The following CORT variants were observed in gnomAD, a reference collection of about 807,000 sequenced individuals.
The protein encoded by CORT is cortistatin.
CORT carries 2 observed loss-of-function variants against 4.4 expected under a neutral mutation model. The observed-to-expected ratio is 0.46, with a 90% CI of 0.19 to 1.44. The LOEUF is 1.44. CORT is among the 40% of genes most tolerant of loss of function. The pLI, the probability that CORT is intolerant of heterozygous loss-of-function variation, is 0.26. For synonymous variants in CORT, 72 were observed against 62.0 expected, an observed-to-expected ratio of 1.16 and a Z score of -0.75; for missense variants, 158 against 140.2, an observed-to-expected ratio of 1.13 and a Z score of -0.64.
chr1:10,451,295 G>A, intron 1 of CORT, 82 bp from the exon 2 acceptor site: 1 of 1,416,048 alleles, frequency 7.1e-7, no homozygotes, highest in Non-Finnish European at 9.3e-7. Context: ...AAGTAAGGAG[G>A]AGATTGCATA....
At position 10,451,421 on chromosome 1, in the gene CORT, T is replaced by G; in HGVS notation, c.144T>G (p.Thr48=). ...GAATAAGGAAAAGCAGCCTCCTGACTTTCCTCGCTTGGTGGTTTGAGTGGA... is the reference window on the plus strand; with the variant it reads ...GAATAAGGAAAAGCAGCCTCCTGACGTTCCTCGCTTGGTGGTTTGAGTGGA... ...AAGIRKSSLL[T]FLAWWFEWTS... Residue 48 remains threonine (T), a synonymous_variant, in exon 2 of 2, where the codon ACT becomes ACG. Transcript: ENST00000377049. 6.2e-7 allele frequency: 1 copy of G among 1,613,618 alleles called. No homozygotes were observed. Among genetic ancestry groups the G allele is most frequent in the Non-Finnish European group, 8.5e-7 (1 of 1,179,686 alleles).
intron 1 of CORT, 147 bp from the exon 2 acceptor site, chr1:10,451,230 T>G: frequency 9.0e-7 from 1 of 1,109,366 alleles, no homozygotes; most frequent in Non-Finnish European, 1.2e-6. Flanking sequence ...TCTTTTCATT[T>G]TAATATTTTC....
At chr1:10,451,078 C>G (rs1640769934) in intron 1 of CORT, among the ~76,000 whole-genome samples, 2 of 152,184 alleles carry the variant, frequency 1.3e-5, no homozygotes, top group Non-Finnish European at 2.9e-5. Context: ...AGGACCTTAG[C>G]AGAGTATGGA....
chr1:10,450,122 A>G lies in CORT; in HGVS notation c.-102A>G, dbSNP rs1405813921. Reference sequence around the variant, plus strand: ...GAGATTGGGCTTAAAATACCCACCAAGCTCCAAAGAAGAGACCCAAGTCCC... The same window carrying G: ...GAGATTGGGCTTAAAATACCCACCAGGCTCCAAAGAAGAGACCCAAGTCCC... On this transcript the variant is annotated 5_prime_UTR_variant, in exon 1 of 2. Transcript: ENST00000377049. 1.2e-6 allele frequency: 2 copies of G among 1,607,846 alleles called. No individual in the cohort carries two copies. The highest frequency in any genetic ancestry group is 3.4e-5 in the Admixed American group (2 of 59,096).
chr1:10,451,514 C>T lies in CORT; in HGVS notation c.237C>T (p.Gly79=), dbSNP rs779616729. The T allele has an allele frequency of 1.9e-5, 30 of 1,613,888 alleles. No homozygotes were observed. In the Admixed American group the frequency reaches 2.2e-4, roughly 12 times the overall value. The change falls in exon 2 of 2, where the codon GGC becomes GGT. Residue 79 remains glycine (G), a synonymous_variant. Transcript: ENST00000377049. ...EAREVARRQE[G]APPQQSARRD... ...GGGAGGTGGCCAGGCGGCAGGAAGG[C>T]GCACCCCCCCAGCAATCTGCGCGCC... is the stretch of plus-strand genomic sequence containing the variant.
At chr1:10,450,604 C>T (rs922159394) in intron 1 of CORT, among the ~76,000 whole-genome samples, 1 of 152,212 alleles carries the variant, frequency 6.6e-6, no homozygotes, top group African/African-American at 2.4e-5. Flanking sequence ...AGCGAGTGTA[C>T]CCGTCCACTG....
At chr1:10,450,466 G>A in intron 1 of CORT, 144 bp downstream of exon 1, 1 of 949,076 alleles carries the variant, frequency 1.1e-6, no homozygotes, top group Non-Finnish European at 1.4e-6. Context: ...AGTGTTCTTG[G>A]CTGGCCCGAG....
chr1:10,450,208 CCA>C lies in CORT; in HGVS notation c.-15_-14del. On this transcript the variant is annotated 5_prime_UTR_variant, in exon 1 of 2. Transcript: ENST00000377049. The stretch of plus-strand genomic sequence containing the variant: ...GCAGCAGCAGGGTGGGAGAGAAGCT[CCA>C]GTCAGCCCACAAGATGCCATTGTCC... 2 of 1,610,588 alleles carry C rather than the reference CCA, an allele frequency of 1.2e-6. No individual in the cohort carries two copies. The highest frequency in any genetic ancestry group is 4.5e-5 in the East Asian group (2 of 44,656).
intron 1 of CORT, among the ~76,000 whole-genome samples, chr1:10,451,106 C>A (rs1030643246): frequency 6.6e-6 from 1 of 152,164 alleles, no homozygotes; most frequent in Non-Finnish European, 1.5e-5. Flanking sequence ...CAGGTTTCTT[C>A]CCTTGACTTA....
rs1045523470 is a variant in CORT, at chr1:10,451,621, A to G, written c.*26A>G. The G allele has an allele frequency of 6.3e-7, 1 of 1,599,664 alleles. No homozygotes were observed. The highest frequency in any genetic ancestry group is 8.5e-7 in the Non-Finnish European group (1 of 1,173,242). ...AACCTCACCCATGAATGCTCACGCA[A>G]GTGTAATGACAGACCTGAATAAAAT... is the stretch of plus-strand genomic sequence containing the variant. On this transcript the variant is annotated 3_prime_UTR_variant, in exon 2 of 2. Coordinates refer to ENST00000377049, the MANE Select transcript of CORT (RefSeq NM_001302.5).
chr1:10,450,657 G>T (rs1199853757), intron 1 of CORT, among the ~76,000 whole-genome samples: 1 of 152,210 alleles, frequency 6.6e-6, no homozygotes, highest in Non-Finnish European at 1.5e-5. Context: ...AGAGCCTTCA[G>T]TTATACATAG....
At chr1:10,450,453 T>C in intron 1 of CORT, 131 bp downstream of exon 1, 15 of 1,042,940 alleles carry the variant, frequency 1.4e-5, no homozygotes, top group Non-Finnish European at 1.9e-5. Context: ...GGCTCAACTT[T>C]GTAGTGTTCT....
rs1199804662 is a variant in CORT at position 10,451,083 on chromosome 1, T to TATGG, written c.100-292_100-289dup. On this transcript the variant is annotated intron_variant, in intron 1 of 1. Coordinates refer to ENST00000377049, the MANE Select transcript of CORT (RefSeq NM_001302.5). ...CTCCTAATTAAGGACCTTAGCAGAG[T>TATGG]ATGGAGCAAAACCAGGTTTCTTCCC... 5.3e-5 allele frequency among the ~76,000 whole-genome samples: 8 copies of TATGG among 152,186 alleles called. No individual in the cohort carries two copies. In the East Asian group the frequency reaches 1.5e-3, roughly 29 times the overall value.
chr1:10,450,589 G>A (rs1640755070), intron 1 of CORT, among the ~76,000 whole-genome samples: 1 of 152,206 alleles, frequency 6.6e-6, no homozygotes, highest in African/African-American at 2.4e-5. Flanking sequence ...GTCTGGGAAA[G>A]GGGAAGCGAG....
chr1:10,450,066 C>G lies in CORT; in HGVS notation c.-158C>G, dbSNP rs1194685195. The stretch of plus-strand genomic sequence containing the variant: ...GAGGGAAGAGGGAAGAGGATCCAGG[C>G]GTTAGACATGTATAGACACAAAAAC... On this transcript the variant is annotated 5_prime_UTR_variant, in exon 1 of 2. Transcript: ENST00000377049. The G allele has an allele frequency of 1.9e-6, 3 of 1,548,070 alleles. No individual in the cohort carries two copies. The highest frequency in any genetic ancestry group is 1.9e-5 in the Admixed American group (1 of 51,480).
chr1:10,451,537 G>T lies in CORT; in HGVS notation c.260G>T (p.Arg87Leu), dbSNP rs757361401. The stretch of plus-strand genomic sequence containing the variant: ...GGCGCACCCCCCCAGCAATCTGCGC[G>T]CCGGGACAGAATGCCCTGCAGGAAC... ...QEGAPPQQSA[R>L]RDRMPCRNFF... Residue 87 changes from arginine (R) to leucine (L), a missense_variant, in exon 2 of 2, where the codon CGC becomes CTC. By Grantham distance (102) the Arg-to-Leu change is moderately radical. Coordinates refer to ENST00000377049, the MANE Select transcript of CORT (RefSeq NM_001302.5). 2 of 1,613,904 alleles carry T rather than the reference G, an allele frequency of 1.2e-6. No individual in the cohort carries two copies. The highest frequency in any genetic ancestry group is 1.1e-5 in the South Asian group (1 of 91,054).
chr1:10,450,622 G>C (rs1570087256), intron 1 of CORT, among the ~76,000 whole-genome samples: 1 of 152,212 alleles, frequency 6.6e-6, no homozygotes, highest in African/African-American at 2.4e-5. Context: ...CTGCAGGGCA[G>C]GCATGGAGCT....
chr1:10,451,433 G>A lies in CORT; in HGVS notation c.156G>A (p.Trp52Ter), dbSNP rs1280736605. Residue 52 changes from tryptophan to a stop codon, truncating the protein, a stop_gained, in exon 2 of 2, where the codon TGG becomes TGA. Coordinates refer to ENST00000377049, the MANE Select transcript of CORT (RefSeq NM_001302.5). LOFTEE classifies it low-confidence loss of function (END_TRUNC). The stretch of plus-strand genomic sequence containing the variant: ...GCAGCCTCCTGACTTTCCTCGCTTG[G>A]TGGTTTGAGTGGACCTCCCAGGCCA... ...RKSSLLTFLA[W>*]WFEWTSQASA... The A allele has an allele frequency of 1.2e-6, 2 of 1,613,630 alleles. No individual in the cohort carries two copies. Among genetic ancestry groups the A allele is most frequent in the Non-Finnish European group, 1.7e-6 (2 of 1,179,792 alleles).
chr1:10,451,553 C>T lies in CORT; in HGVS notation c.276C>T (p.Pro92=). Residue 92 remains proline, a synonymous_variant, in exon 2 of 2, where the codon CCC becomes CCT. Coordinates refer to ENST00000377049, the MANE Select transcript of CORT (RefSeq NM_001302.5). The part of the protein sequence containing the change: ...PQQSARRDRM[P]CRNFFWKTFS... Reference sequence around the variant, plus strand: ...AATCTGCGCGCCGGGACAGAATGCCCTGCAGGAACTTCTTCTGGAAGACCT... The same window carrying T: ...AATCTGCGCGCCGGGACAGAATGCCTTGCAGGAACTTCTTCTGGAAGACCT... The T allele has an allele frequency of 6.2e-7, 1 of 1,613,778 alleles. No homozygotes were observed. Among genetic ancestry groups the T allele is most frequent in the African/African-American group, 1.3e-5 (1 of 75,064 alleles).
Sources: gnomAD v4.1 joint callset for allele counts (sites outside exome capture counted in the v4.1 genomes callset) on GRCh38, gnomAD v4.1.1 for gene constraint, MANE v1.5 for transcripts, NCBI Gene and HGNC (gene_info 2026-07-23, HGNC 2026-07-21) for gene names.